The following BZW1 variants were observed in gnomAD, a reference collection of about 807,000 sequenced individuals.
BZW1 encodes basic leucine zipper and W2 domains 1.
BZW1 carries 3 observed loss-of-function variants against 54.1 expected under a neutral mutation model. The observed-to-expected ratio is 0.06, with a 90% confidence interval of 0.03 to 0.14. BZW1 has a LOEUF of 0.14. Among genes scored for constraint, BZW1 ranks in the 10% least tolerant of loss-of-function variants. BZW1 has a pLI of 1.00. For missense variants in BZW1, 206 were observed against 491.7 expected (o/e 0.42, Z 5.50); for synonymous variants, 152 against 162.7 (o/e 0.93, Z 0.50).
rs879908217 is a variant in BZW1, at chr2:200,823,854, CT to C, written c.*1687del. 7.0e-4 allele frequency: 102 copies of C among 145,702 alleles called. 1 individual carries two copies. The highest frequency in any genetic ancestry group is 1.1e-3 in the South Asian group (5 of 4,578). The allele number at this position is 145,702 out of a possible 1,614,324, so 9.0% of individuals were successfully genotyped here. A position where few individuals can be genotyped will look rare whatever the true frequency, so the allele number is the denominator to read the frequency against. ...TTACACTTAGGCTTTATACATCAGT[CT>C]TTTTTTTTTTAAATTCCATGTTAAT... On this transcript the variant is annotated 3_prime_UTR_variant, in exon 12 of 12. Coordinates refer to ENST00000409600, the MANE Select transcript of BZW1 (RefSeq NM_001207067.2).
intron 11 of BZW1, 150 bp downstream of exon 11, chr2:200,821,455 A>T: frequency 1.2e-6 from 1 of 853,384 alleles, no homozygotes; most frequent in African/African-American, 1.7e-5. Context: ...GCTAGAGTTT[A>T]ATTATTATAG....
chr2:200,816,408 CT>C lies in BZW1; in HGVS notation c.402+21del. On this transcript the variant is annotated intron_variant, in intron 5 of 11. Transcript: ENST00000409600. ...TAAAAAAGGTATGAGTAATAATGTA[CT>C]TTGTGGAAAAGAAAAAAATAGGGTT... 6.6e-7 allele frequency: 1 copy of C among 1,511,914 alleles called. No individual in the cohort carries two copies. Among genetic ancestry groups the C allele is most frequent in the South Asian group, 1.3e-5 (1 of 79,424 alleles). The allele number at this position is 1,511,914 out of a possible 1,614,324, so 93.7% of individuals were successfully genotyped here.
intron 10 of BZW1, 185 bp downstream of exon 10, chr2:200,820,305 A>G (rs895167155): frequency 4.4e-6 from 2 of 458,892 alleles, no homozygotes; most frequent in African/African-American, 4.0e-5. Flanking sequence ...TCTAAACCCT[A>G]TTCACAAGTT....
rs1378825477 is a variant in BZW1, at chr2:200,824,338, A to G, written c.*2160A>G. 2 of 152,132 alleles carry G rather than the reference A, an allele frequency of 1.3e-5. No homozygotes were observed. Among genetic ancestry groups the G allele is most frequent in the East Asian group, 1.9e-4 (1 of 5,196 alleles). The allele number at this position is 152,132 out of a possible 1,614,324, so 9.4% of individuals were successfully genotyped here. On this transcript the variant is annotated 3_prime_UTR_variant, in exon 12 of 12. Coordinates refer to ENST00000409600, the MANE Select transcript of BZW1 (RefSeq NM_001207067.2). Reference sequence around the variant, plus strand: ...TGGCCTCAAGTATGTAATTCTTAATATAGATGTTAAATTGTACTTTTAATT... The same window carrying G: ...TGGCCTCAAGTATGTAATTCTTAATGTAGATGTTAAATTGTACTTTTAATT...
chr2:200,812,831 G>A (rs1575045978), intron 1 of BZW1: 3 of 669,728 alleles, frequency 4.5e-6, no homozygotes, highest in East Asian at 3.0e-5. Flanking sequence ...GATGCCTGCT[G>A]ACTATGGTGA....
Position 200,812,440 on chromosome 2 carries a change from CG to C in BZW1, c.-11+451del, listed in dbSNP as rs1575044796. 9 of 1,301,994 alleles carry C rather than the reference CG, an allele frequency of 6.9e-6. No homozygotes were observed. In the East Asian group the frequency reaches 2.8e-4, roughly 40 times the overall value. 80.7% of individuals were successfully genotyped at this position (1,301,994 alleles called of 1,614,324 possible). On this transcript the variant is annotated intron_variant, in intron 1 of 11. Transcript: ENST00000409600. ...GGGCGCCTGGGGCCCCGGCGCAAAGCGCCTCAGTGACTGTGGTCCGCTCGTT... is the reference window on the plus strand; with the variant it reads ...GGGCGCCTGGGGCCCCGGCGCAAAGCCCTCAGTGACTGTGGTCCGCTCGTT...
At chr2:200,815,886 A>G in intron 4 of BZW1, 125 bp downstream of exon 4, 1 of 964,094 alleles carries the variant, frequency 1.0e-6, no homozygotes, top group Non-Finnish European at 1.5e-6. Context: ...TTTTAGGGAT[A>G]CTGTTCTTGG....
chr2:200,812,195 G>A (rs2105859056), intron 1 of BZW1: 1 of 1,218,072 alleles, frequency 8.2e-7, no homozygotes, highest in Non-Finnish European at 1.0e-6. Context: ...CGGGTGGGGA[G>A]GTGGGGTCCG....
At position 200,815,364 on chromosome 2, in the gene BZW1, A is replaced by G; in HGVS notation, c.88A>G (p.Thr30Ala). The G allele has an allele frequency of 3.7e-6, 6 of 1,611,874 alleles. No individual in the cohort carries two copies. The highest frequency in any genetic ancestry group is 1.3e-5 in the African/African-American group (1 of 74,990). ...AGATGAAAAAGAGAGGTTTGACCCT[A>G]CTCAGTTTCAAGACTGTATTATTCA... The part of the protein sequence containing the change: ...KRDEKERFDP[T>A]QFQDCIIQGL... Residue 30 changes from threonine (T) to alanine (A), a missense_variant, in exon 3 of 12, where the codon ACT becomes GCT. By Grantham distance (58) the Thr-to-Ala change is moderately conservative (BLOSUM62 0). Around this residue, in one of 5 missense-constraint regions of BZW1, gnomAD observed 26 missense variants for 26.9 expected, o/e 0.97. Coordinates refer to ENST00000409600, the MANE Select transcript of BZW1 (RefSeq NM_001207067.2).
At chr2:200,821,156 C>T in intron 10 of BZW1, 27 bp from the exon 11 acceptor site, 3 of 1,610,048 alleles carry the variant, frequency 1.9e-6, no homozygotes, top group Non-Finnish European at 2.5e-6. Flanking sequence ...ATTAAAACTC[C>T]CTTAATGCAA....
chr2:200,821,153 C>T, intron 10 of BZW1, 30 bp from the exon 11 acceptor site: 1 of 1,608,614 alleles, frequency 6.2e-7, no homozygotes, highest in East Asian at 2.2e-5. Flanking sequence ...TATATTAAAA[C>T]TCCCTTAATG....
rs1559318394 is a variant in BZW1, at chr2:200,826,407, A to AGATAGATAGATAGATAGATATTTTTTT, written c.*4229_*4230insGATAGATAGATAGATAGATATTTTTTT. On this transcript the variant is annotated 3_prime_UTR_variant, in exon 12 of 12. Coordinates refer to ENST00000409600, the MANE Select transcript of BZW1 (RefSeq NM_001207067.2). ...TAGATAGATAGATAGATAGATAGAT[A>AGATAGATAGATAGATAGATATTTTTTT]TTTTTTTTTTTTTTTTTTTTTTTTT... 1.8e-5 allele frequency: 1 copy of AGATAGATAGATAGATAGATATTTTTTT among 54,946 alleles called. No individual in the cohort carries two copies. The allele number at this position is 54,946 out of a possible 1,614,324, so 3.4% of individuals were successfully genotyped here.
chr2:200,818,182 C>T, intron 7 of BZW1, 41 bp from the exon 8 acceptor site: 1 of 1,519,250 alleles, frequency 6.6e-7, no homozygotes, highest in Non-Finnish European at 8.8e-7. Flanking sequence ...TTTTCTTAAT[C>T]TGATTTAAAG....
In BZW1 at chr2:200,826,169, G is replaced by C. The variant is rs1180846914; in HGVS notation, c.*3991G>C. 1 of 152,098 alleles carries C rather than the reference G, an allele frequency of 6.6e-6. No individual in the cohort carries two copies. Among genetic ancestry groups the C allele is most frequent in the Non-Finnish European group, 1.5e-5 (1 of 68,022 alleles). The allele number at this position is 152,098 out of a possible 1,614,324, so 9.4% of individuals were successfully genotyped here. On this transcript the variant is annotated 3_prime_UTR_variant, in exon 12 of 12. Coordinates refer to ENST00000409600, the MANE Select transcript of BZW1 (RefSeq NM_001207067.2). ...AAAACTCTTAAGTGGATTAATATCT[G>C]AACAATCTTAGACATAATTATATGA...
rs552367939 is a variant in BZW1, at chr2:200,820,447, A to G, written c.1105+327A>G. Among the ~76,000 whole-genome samples, 6 of 152,310 alleles carry G rather than the reference A, an allele frequency of 3.9e-5. No individual in the cohort carries two copies. The South Asian group carries it at 1.2e-3, about 32-fold the overall frequency. On this transcript the variant is annotated intron_variant, in intron 10 of 11. Transcript: ENST00000409600. ...GTGACCCCAACACTTTGGGAGCCTG[A>G]GGCTGGAGGATCGCTTGAGCCCAAG... is the stretch of plus-strand genomic sequence containing the variant.
chr2:200,819,603 C>G (rs1251408113), intron 9 of BZW1, among the ~76,000 whole-genome samples: 1 of 151,092 alleles, frequency 6.6e-6, no homozygotes, highest in Non-Finnish European at 1.5e-5. Context: ...CTCTGTCACC[C>G]AGGCTGGAGT....
rs1196076909 is a variant in BZW1 at position 200,824,827 on chromosome 2, A to G, written c.*2649A>G. 1.3e-5 allele frequency: 2 copies of G among 151,820 alleles called. No individual in the cohort carries two copies. Among genetic ancestry groups the G allele is most frequent in the Admixed American group, 1.3e-4 (2 of 15,246 alleles). 9.4% of individuals were successfully genotyped at this position (151,820 alleles called of 1,614,324 possible). A position where few individuals can be genotyped will look rare whatever the true frequency, so the allele number is the denominator to read the frequency against. On this transcript the variant is annotated 3_prime_UTR_variant, in exon 12 of 12. Coordinates refer to ENST00000409600, the MANE Select transcript of BZW1 (RefSeq NM_001207067.2). The stretch of plus-strand genomic sequence containing the variant: ...GCTGGGACTACAGGCGCCCGCCACC[A>G]TGCCCGACTAATTTTTTTGTATTTT...
chr2:200,816,275 C>A, intron 4 of BZW1, 50 bp from the exon 5 acceptor site: 1 of 1,362,658 alleles, frequency 7.3e-7, no homozygotes, highest in Non-Finnish European at 1.0e-6. Context: ...TACTACTTTG[C>A]TATTCTAGAA....
intron 11 of BZW1, 74 bp downstream of exon 11, chr2:200,821,379 C>T (rs951580598): frequency 6.5e-7 from 1 of 1,549,626 alleles, no homozygotes; most frequent in Non-Finnish European, 8.7e-7. Context: ...TTCACACATG[C>T]TTCCTTCTTT....
Sources: allele counts gnomAD v4.1 joint callset (sites outside exome capture counted in the v4.1 genomes callset), GRCh38; gene constraint gnomAD v4.1.1; regional missense constraint gnomAD v4.1.1; transcripts MANE v1.5; gene names NCBI Gene and HGNC (gene_info 2026-07-23, HGNC 2026-07-21).